TNRC6A: variants seen among roughly 807,000 people sequenced by gnomAD.
The protein encoded by TNRC6A is trinucleotide repeat-containing gene 6A protein.
TNRC6A carries 44 observed loss-of-function variants against 221.2 expected under a neutral mutation model. The observed-to-expected ratio is 0.20, with a 90% CI of 0.16 to 0.26. The LOEUF (loss-of-function observed/expected upper bound fraction) is 0.26. Among genes scored for constraint, TNRC6A ranks in the 10% least tolerant of loss-of-function variants. TNRC6A has a pLI of 1.00. For missense variants in TNRC6A, 2,199 were observed against 2,404.4 expected (o/e 0.91, Z 1.79); for synonymous variants, 847 against 838.5 (o/e 1.01, Z -0.18).
At chr16:24,760,285 AT>A (rs1477988462) in intron 4 of TNRC6A, among the ~76,000 whole-genome samples, 1 of 152,070 alleles carries the variant, frequency 6.6e-6, no homozygotes, top group Non-Finnish European at 1.5e-5. Flanking sequence ...ATAATCTCAA[AT>A]TTGGGCACTT....
intron 5 of TNRC6A, among the ~76,000 whole-genome samples, chr16:24,784,277 T>C (rs1174974506): frequency 1.3e-5 from 2 of 152,152 alleles, no homozygotes; most frequent in African/African-American, 4.8e-5. Context: ...GCTGAGATTA[T>C]AGGAGTGAGC....
intron 3 of TNRC6A, among the ~76,000 whole-genome samples, chr16:24,757,879 G>A (rs536923778): frequency 6.6e-6 from 1 of 152,242 alleles, no homozygotes; most frequent in East Asian, 1.9e-4. Context: ...TACTAATTTG[G>A]CTAAAGTGAT....
chr16:24,621,200 T>C (rs1900657088), intron 1 of TNRC6A, among the ~76,000 whole-genome samples: 1 of 150,884 alleles, frequency 6.6e-6, no homozygotes, highest in African/African-American at 2.4e-5. Flanking sequence ...AAAAAAAACA[T>C]GTGCTTAAGC....
At position 24,644,244 on chromosome 16, in the gene TNRC6A, G is replaced by A. The variant is rs140040596; in HGVS notation, n.402+3235G>A. 6.2e-3 allele frequency among the ~76,000 whole-genome samples: 929 copies of A among 149,818 alleles called. 4 individuals are homozygous for A. Among genetic ancestry groups the A allele is most frequent in the Non-Finnish European group, 1.0e-2 (674 of 67,450 alleles). On this transcript the variant is annotated intron_variant and non_coding_transcript_variant, in intron 2 of 2. Coordinates refer to the TNRC6A transcript ENST00000566108. ...TGGGACTACAGGCGCCCGCCACCAC[G>A]CCCAGCTAATTTTTTTTTGTATTTT... is the stretch of plus-strand genomic sequence containing the variant.
In TNRC6A at chr16:24,729,708, G is replaced by T. The variant is rs1268119300; in HGVS notation, c.-134G>T. On this transcript the variant is annotated 5_prime_UTR_variant, in exon 1 of 25. Coordinates refer to ENST00000395799, the MANE Select transcript of TNRC6A (RefSeq NM_014494.4). The stretch of plus-strand genomic sequence containing the variant: ...GTCGGCGGCGGCGGCGGCGGCGGCG[G>T]CGGCGGCGGCAGCGGGTCGGTGTAG... 1.7e-5 allele frequency: 19 copies of T among 1,101,314 alleles called. No homozygotes were observed. The highest frequency in any genetic ancestry group is 3.0e-5 in the South Asian group (1 of 33,666). The allele number at this position is 1,101,314 out of a possible 1,614,324, so 68.2% of individuals were successfully genotyped here.
At chr16:24,698,099 A>C (rs1567366283) in intron 2 of TNRC6A, among the ~76,000 whole-genome samples, 1 of 151,686 alleles carries the variant, frequency 6.6e-6, no homozygotes, top group Non-Finnish European at 1.5e-5. Context: ...GGGCCGAGGC[A>C]GGAGGACCGC....
intron 1 of TNRC6A, among the ~76,000 whole-genome samples, chr16:24,623,901 CAAAAAAAAAAAAAAA>C (rs67546745): frequency 3.8e-4 from 21 of 55,162 alleles, no homozygotes; most frequent in South Asian, 2.7e-3. Context: ...GACCCTGTCT[CAAAAAAAAAAAAAAA>C]AAAAAAAAAA....
chr16:24,683,055 T>C (rs1196070172), intron 2 of TNRC6A, among the ~76,000 whole-genome samples: 4 of 152,184 alleles, frequency 2.6e-5, no homozygotes, highest in Admixed American at 2.6e-4. Flanking sequence ...TGGGCTCATA[T>C]GTGCTATGAA....
intron 2 of TNRC6A, among the ~76,000 whole-genome samples, chr16:24,667,330 G>T (rs1268311161): frequency 6.6e-6 from 1 of 152,102 alleles, no homozygotes; most frequent in Non-Finnish European, 1.5e-5. Flanking sequence ...CAGAAGACAG[G>T]CCTGGCCCCC....
In TNRC6A at chr16:24,774,586, T is replaced by C. The variant is rs189823611; in HGVS notation, c.164-2347T>C. 2.8e-4 allele frequency among the ~76,000 whole-genome samples: 42 copies of C among 152,336 alleles called. No individual in the cohort carries two copies. The East Asian group carries it at 5.0e-3, about 18-fold the overall frequency. ...CTGTCACAATTTTTTTTTTAATGTT[T>C]AGATTTTTAAAGTAATGAAGTGGCA... On this transcript the variant is annotated intron_variant, in intron 4 of 24. Coordinates refer to ENST00000395799, the MANE Select transcript of TNRC6A (RefSeq NM_014494.4).
chr16:24,791,037 A>G lies in TNRC6A; in HGVS notation c.2395A>G (p.Asn799Asp), dbSNP rs74015705. 92 of 1,592,788 alleles carry G rather than the reference A, an allele frequency of 5.8e-5. No homozygotes were observed. In the African/African-American group the frequency reaches 1.1e-3, roughly 18 times the overall value. Residue 799 changes from asparagine (N) to aspartate (D), a missense_variant, in exon 6 of 25, where the codon AAC becomes GAC. Physicochemically the swap from Asn to Asp is conservative, Grantham distance 23. This residue lies in a region of TNRC6A where 1,405 missense variants were observed against 1,400.2 expected (regional missense o/e 1.00). Coordinates refer to ENST00000395799, the MANE Select transcript of TNRC6A (RefSeq NM_014494.4). ...GAGGTGGGGAGATTCCAAAGGCTCA[A>G]ACTGCCAGGGGGGGTGGGAAGATGA... Reference protein sequence around the residue: ...ALRWGDSKGSNCQGGWEDDSA... With the variant: ...ALRWGDSKGSDCQGGWEDDSA...
chr16:24,790,665 A>C lies in TNRC6A; in HGVS notation c.2023A>C (p.Ser675Arg). Residue 675 changes from serine to arginine, a missense_variant, in exon 6 of 25, where the codon AGT becomes CGT. Coordinates refer to ENST00000395799, the MANE Select transcript of TNRC6A (RefSeq NM_014494.4). Reference sequence around the variant, plus strand: ...AGGAGGTACAGTGGAGAGCGATGGTAGTACAGAAAGCACTGGACGCCTTGA... The same window carrying C: ...AGGAGGTACAGTGGAGAGCGATGGTCGTACAGAAAGCACTGGACGCCTTGA... Reference protein sequence around the residue: ...KTGGTVESDGSTESTGRLEEK... With the variant: ...KTGGTVESDGRTESTGRLEEK... 2 of 1,614,216 alleles carry C rather than the reference A, an allele frequency of 1.2e-6. No homozygotes were observed. Among genetic ancestry groups the C allele is most frequent in the Non-Finnish European group, 1.7e-6 (2 of 1,180,030 alleles).
chr16:24,667,463 A>G (rs1487290340), intron 2 of TNRC6A, among the ~76,000 whole-genome samples: 1 of 152,210 alleles, frequency 6.6e-6, no homozygotes, highest in Admixed American at 6.5e-5. Context: ...AGTAGATCAT[A>G]AGGCCAGTAG....
At chr16:24,788,047 G>A (rs1474288754) in intron 5 of TNRC6A, among the ~76,000 whole-genome samples, 1 of 152,202 alleles carries the variant, frequency 6.6e-6, no homozygotes, top group African/African-American at 2.4e-5. Context: ...CCTGAGGAGT[G>A]TCTGCCTACC....
intron 2 of TNRC6A, among the ~76,000 whole-genome samples, chr16:24,706,979 T>TTTA (rs1555492075): frequency 0.074 from 10,377 of 140,448 alleles, 643 homozygotes; most frequent in East Asian, 0.19. Flanking sequence ...ATTTATCTAT[T>TTTA]TTTATTTATG....
chr16:24,715,605 C>CTTTTTTTTTTTTTTT (rs58843836), intron 2 of TNRC6A, among the ~76,000 whole-genome samples: 4 of 127,220 alleles, frequency 3.1e-5, no homozygotes, highest in East Asian at 2.3e-4. Flanking sequence ...TGAGTAGTTT[C>CTTTTTTTTTTTTTTT]TTTTTTTTTT....
intron 2 of TNRC6A, among the ~76,000 whole-genome samples, chr16:24,674,709 C>T (rs928578520): frequency 2.0e-5 from 3 of 151,024 alleles, no homozygotes; most frequent in Non-Finnish European, 4.4e-5. Flanking sequence ...CACACACACA[C>T]ACACACACAC....
intron 3 of TNRC6A, among the ~76,000 whole-genome samples, chr16:24,755,359 G>A (rs112180594): frequency 1.0e-3 from 152 of 152,342 alleles, no homozygotes; most frequent in African/African-American, 3.4e-3. Context: ...ATTTCCAACA[G>A]TGAGAGCCAA....
intron 2 of TNRC6A, among the ~76,000 whole-genome samples, chr16:24,651,792 G>A (rs1902680723): frequency 6.6e-6 from 1 of 151,330 alleles, no homozygotes; most frequent in Non-Finnish European, 1.5e-5. Context: ...ATTACTAGGT[G>A]GGGAGGAAAA....
Sources: gnomAD v4.1 joint callset for allele counts (sites outside exome capture counted in the v4.1 genomes callset) on GRCh38, gnomAD v4.1.1 for gene constraint, gnomAD v4.1.1 regional missense constraint, MANE v1.5 for transcripts, NCBI Gene and HGNC (gene_info 2026-07-23, HGNC 2026-07-21) for gene names.